The following FANCI variants were observed in gnomAD, a reference collection of about 807,000 sequenced individuals.
FANCI encodes Fanconi anemia group I protein.
FANCI carries 156 observed loss-of-function variants against 176.1 expected under a neutral mutation model. The ratio of observed to expected loss-of-function variants is 0.89; its 90% CI spans 0.78 to 1.01. The LOEUF (loss-of-function observed/expected upper bound fraction) is 1.01, where lower values mean the gene tolerates loss of function less well. Among genes scored for constraint, FANCI ranks in the 50% least tolerant of loss-of-function variants. The probability of loss-of-function intolerance (pLI) is 0.00; values close to 1 mark genes in which losing one functional copy is unlikely to be tolerated. For synonymous variants in FANCI, 613 were observed against 541.7 expected (o/e 1.13, Z -1.83); for missense variants, 1,678 against 1,534.1 (o/e 1.09, Z -1.57).
chr15:89,247,888 G>T (rs1304580393), intron 2 of FANCI, among the ~76,000 whole-genome samples, 157 bp downstream of exon 2: 1 of 152,212 alleles, frequency 6.6e-6, no homozygotes, highest in Non-Finnish European at 1.5e-5. Context: ...TAGATGTAAA[G>T]AAATTGGGGT....
rs1394042117 is a variant in FANCI at position 89,307,664 on chromosome 15, T to G, written c.3643T>G (p.Tyr1215Asp). 2 of 1,614,070 alleles carry G rather than the reference T, an allele frequency of 1.2e-6. No individual in the cohort carries two copies. The highest frequency in any genetic ancestry group is 2.2e-5 in the East Asian group (1 of 44,892). ...LTPLCYSFIS[Y>D]VQNKSKSLNY... ...CCCCCTGTGTTATTCTTTCATTTCT[T>G]ACGTACAGGTAAGAGATTCAGAGGC... The change falls in exon 34 of 38, where the codon TAC becomes GAC. Residue 1215 changes from tyrosine (Y) to aspartate (D), a missense_variant. By Grantham distance (160) the Tyr-to-Asp change is radical. Coordinates refer to ENST00000310775, the MANE Select transcript of FANCI (RefSeq NM_001113378.2).
chr15:89,303,735 T>G, intron 27 of FANCI, 129 bp from the exon 28 acceptor site: 6 of 729,610 alleles, frequency 8.2e-6, no homozygotes, highest in Non-Finnish European at 1.2e-5. Flanking sequence ...TATTACCACT[T>G]GAGATCTAAG....
chr15:89,297,438 G>A (rs1446803659), intron 24 of FANCI, among the ~76,000 whole-genome samples: 2 of 151,960 alleles, frequency 1.3e-5, no homozygotes, highest in South Asian at 2.1e-4. Flanking sequence ...GTAGCGAGCC[G>A]AGATCACGCC....
chr15:89,250,141 T>A (rs990763802), intron 2 of FANCI, among the ~76,000 whole-genome samples: 2 of 152,206 alleles, frequency 1.3e-5, no homozygotes, highest in East Asian at 3.8e-4. Flanking sequence ...TGTGGCGATT[T>A]CTCAGGGATC....
rs746777753 is a variant in FANCI, at chr15:89,281,208, C to A, written c.1420C>A (p.Leu474Ile). 1.2e-6 allele frequency: 2 copies of A among 1,613,666 alleles called. No individual in the cohort carries two copies. The highest frequency in any genetic ancestry group is 3.3e-5 in the Admixed American group (2 of 59,990). Residue 474 changes from leucine to isoleucine, a missense_variant, in exon 15 of 38, where the codon CTT becomes ATT. Physicochemically the swap from Leu to Ile is conservative, Grantham distance 5. Coordinates refer to ENST00000310775, the MANE Select transcript of FANCI (RefSeq NM_001113378.2). ...SNIVMYAPLV[L>I]QSCSSKVTEA... is the part of the protein sequence containing the mutation. ...TATCGTCATGTATGCACCCTTAGTT[C>A]TTCAAAGTTGTTCTTCTAAAGTCAC...
In FANCI at chr15:89,283,363, A is replaced by G. The variant is rs539280876; in HGVS notation, c.1698+113A>G. 8.7e-6 allele frequency: 13 copies of G among 1,491,752 alleles called. 1 individual carries two copies. Among genetic ancestry groups the G allele is most frequent in the African/African-American group, 6.9e-5 (5 of 72,944 alleles). 92.4% of individuals were successfully genotyped at this position (1,491,752 alleles called of 1,614,324 possible). A position where few individuals can be genotyped will look rare whatever the true frequency, so the allele number is the denominator to read the frequency against. ...TGGTTGTAAGAATGATCCTAGAACT[A>G]AAGAGTCTGATGATGATGATGGTGC... On this transcript the variant is annotated intron_variant, in intron 17 of 37. Transcript: ENST00000310775.
At chr15:89,278,652 A>G in intron 13 of FANCI, 35 bp from the exon 14 acceptor site, 2 of 1,540,134 alleles carry the variant, frequency 1.3e-6, no homozygotes, top group Non-Finnish European at 1.8e-6. Flanking sequence ...CTGAAGGGTC[A>G]CCCAGGAATA....
intron 4 of FANCI, 28 bp downstream of exon 4, chr15:89,260,871 T>TG (rs774193157): frequency 6.2e-7 from 1 of 1,612,198 alleles, no homozygotes; most frequent in Non-Finnish European, 8.5e-7. Flanking sequence ...AACTTTTATT[T>TG]GGGGGTAGGT....
intron 10 of FANCI, among the ~76,000 whole-genome samples, chr15:89,272,336 C>G (rs113486814): frequency 6.6e-5 from 10 of 152,210 alleles, no homozygotes; most frequent in African/African-American, 1.7e-4. Flanking sequence ...ATTCTACTGA[C>G]AAGCTCTTTT....
At chr15:89,290,371 A>G (rs191499850) in intron 19 of FANCI, 90 bp downstream of exon 19, 121 of 989,462 alleles carry the variant, frequency 1.2e-4, no homozygotes, top group Admixed American at 5.3e-4. Flanking sequence ...AATATAAAAT[A>G]ATTCCCAACT....
chr15:89,296,320 C>G (rs1305875930), intron 24 of FANCI, among the ~76,000 whole-genome samples: 1 of 149,850 alleles, frequency 6.7e-6, no homozygotes, highest in Non-Finnish European at 1.5e-5. Context: ...ATTGCCCAGG[C>G]TGGTCTTGAA....
intron 10 of FANCI, among the ~76,000 whole-genome samples, chr15:89,270,128 T>A (rs927970675): frequency 1.3e-5 from 2 of 152,078 alleles, no homozygotes; most frequent in Admixed American, 6.6e-5. Context: ...ATTTTTTTTT[T>A]CCCCCAACCA....
chr15:89,252,438 A>G (rs2052297582), intron 2 of FANCI, among the ~76,000 whole-genome samples: 1 of 152,184 alleles, frequency 6.6e-6, no homozygotes, highest in African/African-American at 2.4e-5. Context: ...TTAATATGCA[A>G]AAATCAGTAG....
At chr15:89,280,299 C>T (rs1043010488) in intron 14 of FANCI, among the ~76,000 whole-genome samples, 6 of 152,148 alleles carry the variant, frequency 3.9e-5, no homozygotes, top group Non-Finnish European at 8.8e-5. Context: ...GGATTACAGG[C>T]GTGAGCCACC....
chr15:89,293,030 TAATAG>T lies in FANCI; in HGVS notation c.2263_2267del (p.Glu755GlnfsTer6). The T allele has an allele frequency of 6.2e-7, 1 of 1,613,966 alleles. No homozygotes were observed. Among genetic ancestry groups the T allele is most frequent in the Non-Finnish European group, 8.5e-7 (1 of 1,179,922 alleles). Reference sequence around the variant, plus strand: ...CTTGTGATGGGAGTTTGTGAGGTTTTAATAGAATACAATTTCTCCATAAGTAGTTT... The same window carrying T: ...CTTGTGATGGGAGTTTGTGAGGTTTTAATACAATTTCTCCATAAGTAGTTT... On this transcript the variant is annotated frameshift_variant, in exon 22 of 38. Coordinates refer to ENST00000310775, the MANE Select transcript of FANCI (RefSeq NM_001113378.2). LOFTEE classifies it high-confidence loss of function.
chr15:89,315,529 ACT>A (rs1166203425), intron 37 of FANCI, 140 bp downstream of exon 37: 5 of 695,534 alleles, frequency 7.2e-6, no homozygotes, highest in Non-Finnish European at 1.1e-5. Context: ...AGAGCAAAGG[ACT>A]CTCAGAAGGG....
At chr15:89,299,997 G>A in intron 25 of FANCI, 31 bp downstream of exon 25, 1 of 1,612,002 alleles carries the variant, frequency 6.2e-7, no homozygotes, top group Non-Finnish European at 8.5e-7. Context: ...AAATAGGCTT[G>A]ATTTAGGTTT....
intron 35 of FANCI, among the ~76,000 whole-genome samples, chr15:89,313,827 A>G (rs1351215489): frequency 1.3e-5 from 2 of 152,108 alleles, no homozygotes; most frequent in Non-Finnish European, 2.9e-5. Flanking sequence ...AAACATCTAA[A>G]TGTTCAGCTC....
chr15:89,260,975 A>T (rs1567142779), intron 4 of FANCI, 132 bp downstream of exon 4: 2 of 1,195,626 alleles, frequency 1.7e-6, no homozygotes, highest in African/African-American at 3.0e-5. Flanking sequence ...GTTAAAAAAC[A>T]AAGAAGCAGG....
Sources: gnomAD v4.1 joint callset for allele counts (sites outside exome capture counted in the v4.1 genomes callset) on GRCh38, gnomAD v4.1.1 for gene constraint, MANE v1.5 for transcripts, NCBI Gene and HGNC (gene_info 2026-07-23, HGNC 2026-07-21) for gene names.